The following GRM7 variants were observed in gnomAD, a reference collection of about 807,000 sequenced individuals.
The protein encoded by GRM7 is glutamate metabotropic receptor 7, also known as metabotropic glutamate receptor 7.
In GRM7, 35 loss-of-function variants were observed where a neutral mutation model predicts 84.5. The observed-to-expected ratio is 0.41, with a 90% CI of 0.32 to 0.55. The LOEUF (loss-of-function observed/expected upper bound fraction) is 0.55, where lower values mean the gene tolerates loss of function less well. Among genes scored for constraint, GRM7 ranks in the 20% least tolerant of loss-of-function variants. GRM7 has a pLI of 0.19. For synonymous variants in GRM7, 487 were observed against 455.1 expected (o/e 1.07, Z -0.89); for missense variants, 1,003 against 1,194.6 (o/e 0.84, Z 2.36).
Position 7,084,409 on chromosome 3 carries a change from T to A in GRM7, c.520-62043T>A, listed in dbSNP as rs534205237. Among the ~76,000 whole-genome samples the A allele has an allele frequency of 2.0e-3, 308 of 152,196 alleles. 1 individual carries two copies. Among genetic ancestry groups the A allele is most frequent in the Non-Finnish European group, 3.3e-3 (221 of 67,998 alleles). The stretch of plus-strand genomic sequence containing the variant: ...TCTGATGCTGATCAAAGTTTAAGAA[T>A]CATGCTTTGGGTCATCAGTAGCTTG... On this transcript the variant is annotated intron_variant, in intron 1 of 9. Coordinates refer to ENST00000357716, the MANE Select transcript of GRM7 (RefSeq NM_000844.4).
chr3:7,254,648 G>C (rs1698130833), intron 2 of GRM7, among the ~76,000 whole-genome samples: 1 of 152,170 alleles, frequency 6.6e-6, no homozygotes, highest in Non-Finnish European at 1.5e-5. Flanking sequence ...AGTGGTAGTG[G>C]TCTGGATTTG....
intron 1 of GRM7, among the ~76,000 whole-genome samples, chr3:7,017,786 GAC>G (rs1299435946): frequency 6.6e-6 from 1 of 152,146 alleles, no homozygotes; most frequent in Admixed American, 6.5e-5. Flanking sequence ...GAGAACCACT[GAC>G]CTAGAGAATT....
At position 6,863,959 on chromosome 3, in the gene GRM7, G is replaced by A. The variant is rs1694852559; in HGVS notation, c.519+2052G>A. Among the ~76,000 whole-genome samples, 1 of 152,158 alleles carries A rather than the reference G, an allele frequency of 6.6e-6. No homozygotes were observed. Among genetic ancestry groups the A allele is most frequent in the African/African-American group, 2.4e-5 (1 of 41,424 alleles). On this transcript the variant is annotated intron_variant, in intron 1 of 9. Transcript: ENST00000357716. The surrounding 1 kb of genome is among the most constrained non-coding windows in gnomAD (Gnocchi z 4.8). Reference sequence around the variant, plus strand: ...TTTGCTGAAAAATATTCCAGGGGGAGCTGATTCCTTCTCTGGTGTGTGAAC... The same window carrying A: ...TTTGCTGAAAAATATTCCAGGGGGAACTGATTCCTTCTCTGGTGTGTGAAC...
chr3:7,577,298 A>G (rs193006963), intron 7 of GRM7, among the ~76,000 whole-genome samples: 44 of 152,304 alleles, frequency 2.9e-4, no homozygotes, highest in Admixed American at 4.6e-4. Flanking sequence ...CTCAGATCCA[A>G]TGAATCAGAA....
At chr3:6,936,641 C>A (rs554306121) in intron 1 of GRM7, among the ~76,000 whole-genome samples, 1 of 152,008 alleles carries the variant, frequency 6.6e-6, no homozygotes, top group East Asian at 1.9e-4. Context: ...CTGATTGGAC[C>A]CAGGATGATA....
chr3:7,183,016 A>G (rs1378605099), intron 2 of GRM7, among the ~76,000 whole-genome samples: 1 of 151,232 alleles, frequency 6.6e-6, no homozygotes, highest in Non-Finnish European at 1.5e-5. Context: ...AGAATAGCAT[A>G]GTGGGGGTGG....
intron 7 of GRM7, among the ~76,000 whole-genome samples, chr3:7,505,246 CT>C (rs1559367409): frequency 6.6e-6 from 1 of 152,246 alleles, no homozygotes; most frequent in Non-Finnish European, 1.5e-5. Flanking sequence ...AGCCCCACCC[CT>C]ATGACTTTGG....
chr3:7,291,763 C>T (rs931240110), intron 2 of GRM7, among the ~76,000 whole-genome samples: 1 of 152,120 alleles, frequency 6.6e-6, no homozygotes, highest in African/African-American at 2.4e-5. Flanking sequence ...AACCAGAAAT[C>T]TATCAGCAAA....
chr3:6,886,928 A>G (rs1246547912), intron 1 of GRM7, among the ~76,000 whole-genome samples: 1 of 152,100 alleles, frequency 6.6e-6, no homozygotes, highest in Non-Finnish European at 1.5e-5. Flanking sequence ...AGGATCAGCA[A>G]GATTGAGTAC....
chr3:7,429,774 G>A (rs1468071112), intron 5 of GRM7, among the ~76,000 whole-genome samples: 1 of 152,102 alleles, frequency 6.6e-6, no homozygotes, highest in African/African-American at 2.4e-5. Flanking sequence ...CATAGAAGTG[G>A]CATCTCCCTG....
In GRM7 at chr3:7,650,858, C is replaced by T. The variant is rs147826054; in HGVS notation, c.2452-29191C>T. On this transcript the variant is annotated intron_variant, in intron 8 of 9. Transcript: ENST00000357716. Reference sequence around the variant, plus strand: ...TCAGCCTCCTGAGTAGCTGGGATTACAGGCATGAGCCACTGCATCCGGCTT... The same window carrying T: ...TCAGCCTCCTGAGTAGCTGGGATTATAGGCATGAGCCACTGCATCCGGCTT... Among the ~76,000 whole-genome samples, 525 of 152,304 alleles carry T rather than the reference C, an allele frequency of 3.4e-3. 4 individuals carry two copies. Among genetic ancestry groups the T allele is most frequent in the African/African-American group, 0.012 (499 of 41,564 alleles).
At chr3:7,406,301 C>A (rs1695673722) in intron 4 of GRM7, among the ~76,000 whole-genome samples, 1 of 151,938 alleles carries the variant, frequency 6.6e-6, no homozygotes, top group Non-Finnish European at 1.5e-5. Context: ...GAGATGGAGA[C>A]CATCCTGGCT....
intron 8 of GRM7, among the ~76,000 whole-genome samples, chr3:7,671,532 A>G (rs1466701956): frequency 6.6e-6 from 1 of 151,366 alleles, no homozygotes; most frequent in African/African-American, 2.4e-5. Context: ...TAGCCTTAAT[A>G]TCATGTCTGC....
At chr3:6,998,169 G>C (rs1694890654) in intron 1 of GRM7, among the ~76,000 whole-genome samples, 1 of 132,062 alleles carries the variant, frequency 7.6e-6, no homozygotes, top group Non-Finnish European at 1.6e-5. Context: ...GATACAATGA[G>C]GGTACAGGCA....
chr3:7,583,084 G>A (rs1695339911), intron 8 of GRM7, among the ~76,000 whole-genome samples: 1 of 152,154 alleles, frequency 6.6e-6, no homozygotes, highest in Non-Finnish European at 1.5e-5. Flanking sequence ...CAAGGAACCA[G>A]GAGATCAGAA....
chr3:7,552,522 C>A (rs572778474), intron 7 of GRM7, among the ~76,000 whole-genome samples: 2 of 152,310 alleles, frequency 1.3e-5, no homozygotes, highest in African/African-American at 4.8e-5. Flanking sequence ...ACTCCTATAG[C>A]AAACTTCTGC....
At chr3:7,317,489 G>A (rs1184326474) in intron 4 of GRM7, among the ~76,000 whole-genome samples, 1 of 152,028 alleles carries the variant, frequency 6.6e-6, no homozygotes, top group East Asian at 1.9e-4. Context: ...AATGAGGCAG[G>A]TATTTTGCTA....
intron 4 of GRM7, among the ~76,000 whole-genome samples, chr3:7,331,482 C>G (rs551527340): frequency 6.6e-6 from 1 of 152,286 alleles, no homozygotes; most frequent in South Asian, 2.1e-4. Context: ...TACCACGGCT[C>G]AAATTACTGT....
intron 4 of GRM7, among the ~76,000 whole-genome samples, chr3:7,353,020 C>T (rs1693230128): frequency 6.6e-6 from 1 of 152,040 alleles, no homozygotes; most frequent in African/African-American, 2.4e-5. Context: ...CATCCTATGG[C>T]TACAGGAGAG....
Sources: allele counts gnomAD v4.1 joint callset (sites outside exome capture counted in the v4.1 genomes callset), GRCh38; gene constraint gnomAD v4.1.1; non-coding constraint Gnocchi (gnomAD v3.1); transcripts MANE v1.5; gene names NCBI Gene and HGNC (gene_info 2026-07-23, HGNC 2026-07-21).